SLC10A7: variants seen among roughly 807,000 people sequenced by gnomAD.
The protein encoded by SLC10A7 is solute carrier family 10 member 7.
SLC10A7 carries 29 observed loss-of-function variants against 43.2 expected under a neutral mutation model. The observed-to-expected ratio is 0.67, with a 90% CI of 0.50 to 0.92. The LOEUF is 0.92. SLC10A7 is among the 40% of genes least tolerant of loss of function. The pLI, the probability that SLC10A7 is intolerant of heterozygous loss-of-function variation, is 0.00. For synonymous variants in SLC10A7, 152 were observed against 144.8 expected (o/e 1.05, Z -0.35); for missense variants, 295 against 403.2 (o/e 0.73, Z 2.30).
intron 5 of SLC10A7, among the ~76,000 whole-genome samples, chr4:146,417,613 C>T (rs1728664834): frequency 6.6e-6 from 1 of 152,158 alleles, no homozygotes; most frequent in Non-Finnish European, 1.5e-5. Context: ...AATTTAAATG[C>T]TTCTTTCCCA....
chr4:146,371,004 C>G (rs998260720), intron 5 of SLC10A7, among the ~76,000 whole-genome samples: 5 of 152,144 alleles, frequency 3.3e-5, no homozygotes, highest in African/African-American at 4.8e-5. Flanking sequence ...TATGGAAGAA[C>G]CTCAGAATTG....
chr4:146,312,151 T>C (rs1732026033), intron 6 of SLC10A7, among the ~76,000 whole-genome samples: 2 of 152,178 alleles, frequency 1.3e-5, no homozygotes, highest in Non-Finnish European at 2.9e-5. Context: ...TTTTAATATT[T>C]ATATGCACAG....
chr4:146,434,792 G>A (rs1431195553), intron 5 of SLC10A7, among the ~76,000 whole-genome samples: 1 of 152,122 alleles, frequency 6.6e-6, no homozygotes, highest in Non-Finnish European at 1.5e-5. Context: ...TCGAACTCCT[G>A]ACCTCGTGAT....
intron 10 of SLC10A7, among the ~76,000 whole-genome samples, chr4:146,277,011 T>C (rs1479157899): frequency 6.6e-6 from 1 of 152,126 alleles, no homozygotes; most frequent in African/African-American, 2.4e-5. Flanking sequence ...GGTGACTATT[T>C]GAGGAAGAAG....
intron 4 of SLC10A7, among the ~76,000 whole-genome samples, chr4:146,498,701 A>G (rs1736135523): frequency 6.6e-6 from 1 of 152,226 alleles, no homozygotes; most frequent in Non-Finnish European, 1.5e-5. Flanking sequence ...CCTGAGAAAT[A>G]TACTGGCATT....
At chr4:146,385,523 C>T (rs1318167529) in intron 5 of SLC10A7, among the ~76,000 whole-genome samples, 1 of 152,036 alleles carries the variant, frequency 6.6e-6, no homozygotes, top group African/African-American at 2.4e-5. Flanking sequence ...GGTGACTGTC[C>T]TTTGCTTATT....
chr4:146,409,784 T>C (rs866852321), intron 5 of SLC10A7, among the ~76,000 whole-genome samples: 1 of 152,168 alleles, frequency 6.6e-6, no homozygotes, highest in South Asian at 2.1e-4. Flanking sequence ...TAAATGTATA[T>C]GGTAGAATTA....
At position 146,521,606 on chromosome 4, in the gene SLC10A7, T is replaced by G. The variant is rs1486382340; in HGVS notation, c.100+12A>C. On this transcript the variant is annotated intron_variant, in intron 1 of 11. Transcript: ENST00000335472. Reference sequence around the variant, plus strand: ...GGAGCCGCGGTGGAGCCGGCAGAGGTGCAGCACTTACCCCCATTCACCCCT... The same window carrying G: ...GGAGCCGCGGTGGAGCCGGCAGAGGGGCAGCACTTACCCCCATTCACCCCT... The G allele has an allele frequency of 6.2e-7, 1 of 1,609,042 alleles. No individual in the cohort carries two copies. The highest frequency in any genetic ancestry group is 8.5e-7 in the Non-Finnish European group (1 of 1,175,822).
chr4:146,292,187 A>G (rs1328496641), intron 9 of SLC10A7, among the ~76,000 whole-genome samples: 1 of 152,218 alleles, frequency 6.6e-6, no homozygotes, highest in Non-Finnish European at 1.5e-5. Flanking sequence ...CCCCAAAATA[A>G]ACTTCATTCT....
intron 7 of SLC10A7, among the ~76,000 whole-genome samples, chr4:146,305,458 A>G (rs1434065964): frequency 6.6e-6 from 1 of 150,406 alleles, no homozygotes; most frequent in Admixed American, 6.6e-5. Flanking sequence ...TAGCATTGGG[A>G]GATATACCTA....
At chr4:146,298,867 G>T (rs1415291095) in intron 7 of SLC10A7, among the ~76,000 whole-genome samples, 2 of 152,176 alleles carry the variant, frequency 1.3e-5, no homozygotes, top group Non-Finnish European at 2.9e-5. Context: ...TACAAATGAG[G>T]AAAGTGAGGC....
At chr4:146,280,181 C>T (rs575494378) in intron 10 of SLC10A7, among the ~76,000 whole-genome samples, 11 of 152,070 alleles carry the variant, frequency 7.2e-5, no homozygotes, top group African/African-American at 2.4e-4. Context: ...TGTGTATACA[C>T]ATATATACAC....
chr4:146,320,550 G>A (rs548431055), intron 6 of SLC10A7, among the ~76,000 whole-genome samples: 1 of 152,156 alleles, frequency 6.6e-6, no homozygotes, highest in South Asian at 2.1e-4. Flanking sequence ...ATTGAGGGAT[G>A]CAGTTATGGG....
At chr4:146,478,774 T>C (rs1345392748) in intron 4 of SLC10A7, among the ~76,000 whole-genome samples, 1 of 152,188 alleles carries the variant, frequency 6.6e-6, no homozygotes, top group Admixed American at 6.5e-5. Flanking sequence ...TAAAGTGGGC[T>C]TCTGTAAAGT....
At chr4:146,427,814 T>C (rs547181866) in intron 5 of SLC10A7, among the ~76,000 whole-genome samples, 2 of 152,306 alleles carry the variant, frequency 1.3e-5, no homozygotes, top group South Asian at 4.1e-4. Flanking sequence ...TGATCAGGTA[T>C]TCTGAATGGC....
intron 1 of SLC10A7, among the ~76,000 whole-genome samples, chr4:146,521,140 C>G (rs1456148121): frequency 6.6e-6 from 1 of 152,070 alleles, no homozygotes; most frequent in Non-Finnish European, 1.5e-5. Flanking sequence ...CAAATCATCA[C>G]TCTCCAACAT....
intron 5 of SLC10A7, among the ~76,000 whole-genome samples, chr4:146,351,117 G>A (rs1578959233): frequency 6.6e-6 from 1 of 151,214 alleles, no homozygotes; most frequent in South Asian, 2.1e-4. Context: ...CAAAGGCAAA[G>A]AAGTTGAAAA....
intron 5 of SLC10A7, among the ~76,000 whole-genome samples, chr4:146,430,751 A>G (rs1000881842): frequency 1.3e-5 from 2 of 152,210 alleles, no homozygotes; most frequent in African/African-American, 4.8e-5. Flanking sequence ...ATATGAATCA[A>G]TGTTACTCTA....
At chr4:146,338,786 C>T (rs1734062530) in intron 5 of SLC10A7, among the ~76,000 whole-genome samples, 1 of 151,916 alleles carries the variant, frequency 6.6e-6, no homozygotes, top group Non-Finnish European at 1.5e-5. Flanking sequence ...AGTTACTCAG[C>T]ACTATATTAT....
Sources: allele counts gnomAD v4.1 joint callset (sites outside exome capture counted in the v4.1 genomes callset), GRCh38; gene constraint gnomAD v4.1.1; transcripts MANE v1.5; gene names NCBI Gene and HGNC (gene_info 2026-07-23, HGNC 2026-07-21).